GRIK4: variants seen among roughly 807,000 people sequenced by gnomAD.
GRIK4 encodes the protein glutamate receptor ionotropic, kainate 4.
A neutral mutation model predicts 104.9 loss-of-function variants in GRIK4; 40 were observed. The observed-to-expected ratio is 0.38, with a 90% CI of 0.30 to 0.50. The LOEUF is 0.50. Ranked by LOEUF, GRIK4 falls within the 20% of genes least tolerant of loss-of-function variation. GRIK4 has a pLI of 0.93. For missense variants in GRIK4, 1,047 were observed against 1,308.1 expected (o/e 0.80, Z 3.08); for synonymous variants, 485 against 524.9 (o/e 0.92, Z 1.04).
intron 8 of GRIK4, among the ~76,000 whole-genome samples, chr11:120,846,260 AT>A (rs1953849721): frequency 6.6e-6 from 1 of 152,248 alleles, no homozygotes; most frequent in African/African-American, 2.4e-5. Flanking sequence ...AGCAATTTGC[AT>A]ATGGAAAATG....
At chr11:120,723,785 A>C (rs1044067087) in intron 3 of GRIK4, among the ~76,000 whole-genome samples, 3 of 131,320 alleles carry the variant, frequency 2.3e-5, no homozygotes, top group Admixed American at 1.6e-4. Flanking sequence ...TGGTAAGGGT[A>C]GCACCTGTTT....
chr11:120,960,970 G>T lies in GRIK4; in HGVS notation c.1936G>T (p.Val646Leu). The change falls in exon 17 of 21, where the codon GTG becomes TTG. Residue 646 changes from valine to leucine, a missense_variant. By Grantham distance (32) the Val-to-Leu change is conservative. This residue lies in a region of GRIK4 where 440 missense variants were observed against 652.3 expected (regional missense o/e 0.67). Transcript: ENST00000527524. ...GGCCAACCTGGCAGCCTTCCTGACCGTGCAGCGCATGGATGTGCCCATTGA... is the reference window on the plus strand; with the variant it reads ...GGCCAACCTGGCAGCCTTCCTGACCTTGCAGCGCATGGATGTGCCCATTGA... The part of the protein sequence containing the change: ...YTANLAAFLT[V>L]QRMDVPIESV... The T allele has an allele frequency of 6.2e-7, 1 of 1,613,946 alleles. No individual in the cohort carries two copies. Among genetic ancestry groups the T allele is most frequent in the Non-Finnish European group, 8.5e-7 (1 of 1,179,876 alleles).
chr11:120,670,221 G>A (rs192430973), intron 3 of GRIK4, among the ~76,000 whole-genome samples: 4 of 152,238 alleles, frequency 2.6e-5, no homozygotes, highest in African/African-American at 7.2e-5. Flanking sequence ...TTTCTCCCTG[G>A]ATTACTGCAA....
At chr11:120,807,399 C>T (rs1952735098) in intron 4 of GRIK4, among the ~76,000 whole-genome samples, 1 of 152,224 alleles carries the variant, frequency 6.6e-6, no homozygotes, top group Non-Finnish European at 1.5e-5. Flanking sequence ...CTCAGTTTGT[C>T]TCTGTGAGGC....
At chr11:120,833,116 C>T (rs564116104) in intron 7 of GRIK4, among the ~76,000 whole-genome samples, 3 of 151,162 alleles carry the variant, frequency 2.0e-5, no homozygotes, top group South Asian at 2.1e-4. Context: ...CTCCTCAGCT[C>T]GTTTTTGACT....
chr11:120,750,098 C>T (rs1951520083), intron 3 of GRIK4, among the ~76,000 whole-genome samples: 2 of 152,020 alleles, frequency 1.3e-5, no homozygotes, highest in South Asian at 2.1e-4. Flanking sequence ...AGGAAGGTGA[C>T]TTGCTGGAGT....
chr11:120,535,294 G>GTTGCT, intron 1 of GRIK4, among the ~76,000 whole-genome samples: 1 of 145,710 alleles, frequency 6.9e-6, no homozygotes, highest in South Asian at 2.2e-4. Context: ...GGGAAGGGGG[G>GTTGCT]TGCAGATCTT....
intron 3 of GRIK4, among the ~76,000 whole-genome samples, chr11:120,769,528 T>G (rs1951900787): frequency 2.0e-5 from 3 of 152,240 alleles, no homozygotes; most frequent in Admixed American, 2.0e-4. Context: ...AATATTCTTT[T>G]GACTTTTTCC....
chr11:120,758,129 C>T (rs1951684686), intron 3 of GRIK4, among the ~76,000 whole-genome samples: 1 of 152,140 alleles, frequency 6.6e-6, no homozygotes. Context: ...TCACACCACT[C>T]TGGAAGCAAG....
At chr11:120,860,658 G>A (rs1954237183) in intron 8 of GRIK4, among the ~76,000 whole-genome samples, 1 of 152,184 alleles carries the variant, frequency 6.6e-6, no homozygotes, top group African/African-American at 2.4e-5. Flanking sequence ...AGGGCAACAA[G>A]TGTGTCTCTC....
intron 1 of GRIK4, among the ~76,000 whole-genome samples, chr11:120,536,417 A>G (rs905879093): frequency 6.6e-6 from 1 of 152,202 alleles, no homozygotes; most frequent in African/African-American, 2.4e-5. Flanking sequence ...GTGTCTGTAC[A>G]GAAAAGGTGA....
chr11:120,962,557 G>A lies in GRIK4; in HGVS notation c.2142G>A (p.Leu714=). 1 of 1,614,020 alleles carries A rather than the reference G, an allele frequency of 6.2e-7. No homozygotes were observed. Among genetic ancestry groups the A allele is most frequent in the East Asian group, 2.2e-5 (1 of 44,882 alleles). ...CAGAGGAGGGAATCGCCAGGGTGTT[G>A]AATTCCAACTACGCCTTCCTCCTGG... ...KSTEEGIARV[L]NSNYAFLLES... Residue 714 remains leucine, a synonymous_variant, in exon 18 of 21, where the codon TTG becomes TTA. Transcript: ENST00000527524.
intron 1 of GRIK4, among the ~76,000 whole-genome samples, chr11:120,512,134 C>G (rs1443727378): frequency 6.6e-6 from 1 of 150,578 alleles, no homozygotes; most frequent in East Asian, 2.0e-4. Flanking sequence ...CGCCGCCGAA[C>G]CCCCCACCGC....
chr11:120,892,571 C>T (rs1178102353), intron 11 of GRIK4, among the ~76,000 whole-genome samples: 1 of 152,114 alleles, frequency 6.6e-6, no homozygotes, highest in Non-Finnish European at 1.5e-5. Flanking sequence ...TGGGGGTCTC[C>T]TGATGCCAGG....
intron 9 of GRIK4, among the ~76,000 whole-genome samples, chr11:120,864,111 T>A (rs187093479): frequency 6.6e-6 from 1 of 152,192 alleles, no homozygotes; most frequent in Non-Finnish European, 1.5e-5. Context: ...CACAGTGTCA[T>A]GTGCAGGATC....
At chr11:120,934,013 G>A (rs1207905241) in intron 13 of GRIK4, among the ~76,000 whole-genome samples, 3 of 152,028 alleles carry the variant, frequency 2.0e-5, no homozygotes, top group Non-Finnish European at 2.9e-5. Flanking sequence ...GACCATCCTG[G>A]CTAACACAGT....
intron 1 of GRIK4, among the ~76,000 whole-genome samples, chr11:120,623,005 C>G (rs59127761): frequency 0.27 from 40,706 of 152,140 alleles, 5,972 homozygotes; most frequent in Non-Finnish European, 0.31. Flanking sequence ...CGCCTTTTAA[C>G]CCACTACATT....
intron 1 of GRIK4, among the ~76,000 whole-genome samples, chr11:120,526,963 G>A (rs7104057): frequency 0.042 from 6,331 of 152,346 alleles, 436 homozygotes; most frequent in African/African-American, 0.14. Flanking sequence ...GATGTTAATA[G>A]AAATAGTGGT....
chr11:120,945,254 A>T (rs1017115181), intron 14 of GRIK4, among the ~76,000 whole-genome samples: 2 of 152,102 alleles, frequency 1.3e-5, no homozygotes, highest in African/African-American at 4.8e-5. Flanking sequence ...CTCAAATGGC[A>T]CTTGCTCTTC....
Sources: gnomAD v4.1 joint callset for allele counts (sites outside exome capture counted in the v4.1 genomes callset) on GRCh38, gnomAD v4.1.1 for gene constraint, gnomAD v4.1.1 regional missense constraint, MANE v1.5 for transcripts, NCBI Gene and HGNC (gene_info 2026-07-23, HGNC 2026-07-21) for gene names.